The following CCDC28A variants were observed in gnomAD, a reference collection of about 807,000 sequenced individuals.
CCDC28A encodes coiled-coil domain containing 28A.
CCDC28A carries 24 observed loss-of-function variants against 22.1 expected under a neutral mutation model. The ratio of observed to expected loss-of-function variants is 1.09; its 90% CI spans 0.79 to 1.53. CCDC28A has a LOEUF of 1.53. Among genes scored for constraint, CCDC28A ranks in the 40% most tolerant of loss-of-function variants. The probability of loss-of-function intolerance (pLI) is 0.00; values close to 1 mark genes in which losing one functional copy is unlikely to be tolerated. For synonymous variants in CCDC28A, 83 were observed against 74.7 expected, an observed-to-expected ratio of 1.11 and a Z score of -0.57; for missense variants, 170 against 210.7, an observed-to-expected ratio of 0.81 and a Z score of 1.20.
intron 5 of CCDC28A, among the ~76,000 whole-genome samples, chr6:138,790,316 A>AATTT (rs759553853): frequency 6.6e-6 from 1 of 151,892 alleles, no homozygotes; most frequent in Non-Finnish European, 1.5e-5. Flanking sequence ...ACGTCCAGCT[A>AATTT]ATTTTTGTAT....
At chr6:138,792,075 G>T (rs185079083) in intron 5 of CCDC28A, among the ~76,000 whole-genome samples, 197 of 152,262 alleles carry the variant, frequency 1.3e-3, no homozygotes, top group African/African-American at 4.5e-3. Flanking sequence ...TTATAGAAAA[G>T]ATTTTAGAGC....
At position 138,773,825 on chromosome 6, in the gene CCDC28A, G is replaced by T. The variant is rs1422767427; in HGVS notation, c.-120G>T. 4 of 1,614,204 alleles carry T rather than the reference G, an allele frequency of 2.5e-6. No individual in the cohort carries two copies. In the South Asian group the frequency reaches 4.4e-5, roughly 18 times the overall value. On this transcript the variant is annotated 5_prime_UTR_variant, in exon 1 of 6. Transcript: ENST00000617445. ...CCGGGATGTGACCGGGGCTCTGCTT[G>T]TGGCTGCGGCGGTGGCTTCTGAGGC...
intron 3 of CCDC28A, among the ~76,000 whole-genome samples, chr6:138,781,573 C>T (rs762562432): frequency 7.2e-5 from 11 of 152,152 alleles, no homozygotes; most frequent in Non-Finnish European, 8.8e-5. Context: ...TCCCGCCAAG[C>T]AGTAGGTATT....
chr6:138,784,520 C>T (rs72985058), intron 3 of CCDC28A, among the ~76,000 whole-genome samples: 3,054 of 151,296 alleles, frequency 0.02, 47 homozygotes, highest in Non-Finnish European at 0.034. Context: ...CTAGTTAATG[C>T]GTGTTTTTTA....
Position 138,792,870 on chromosome 6 carries a change from C to T in CCDC28A, c.*67C>T. 2.0e-6 allele frequency: 2 copies of T among 1,010,690 alleles called. No homozygotes were observed. The highest frequency in any genetic ancestry group is 1.4e-5 in the South Asian group (1 of 73,508). 62.6% of individuals were successfully genotyped at this position (1,010,690 alleles called of 1,614,324 possible). A position where few individuals can be genotyped will look rare whatever the true frequency, so the allele number is the denominator to read the frequency against. On this transcript the variant is annotated 3_prime_UTR_variant, in exon 6 of 6. Transcript: ENST00000617445. ...GCAGTCTTTACTTTTCCAGCCAAAT[C>T]CAGTAGCAGAATCATCTTCCACAAC...
chr6:138,774,562 A>C (rs1473015590), intron 1 of CCDC28A, among the ~76,000 whole-genome samples: 1 of 152,240 alleles, frequency 6.6e-6, no homozygotes, highest in Non-Finnish European at 1.5e-5. Context: ...GAGACTGGGC[A>C]TTGGAGCCTT....
chr6:138,792,265 G>A (rs758173184), intron 5 of CCDC28A, among the ~76,000 whole-genome samples: 4 of 152,004 alleles, frequency 2.6e-5, no homozygotes, highest in South Asian at 2.1e-4. Flanking sequence ...GTGGTGGCTC[G>A]CACCTGTAAT....
intron 2 of CCDC28A, 45 bp downstream of exon 2, chr6:138,776,323 G>T: frequency 1.4e-6 from 2 of 1,470,760 alleles, no homozygotes; most frequent in Non-Finnish European, 9.5e-7. Flanking sequence ...TGCCATTAAA[G>T]TAAATCCTGA....
At chr6:138,781,798 A>G (rs1451615875) in intron 3 of CCDC28A, among the ~76,000 whole-genome samples, 1 of 151,988 alleles carries the variant, frequency 6.6e-6, no homozygotes, top group Non-Finnish European at 1.5e-5. Flanking sequence ...TCTATTATGT[A>G]TTTATTTTTG....
Position 138,779,890 on chromosome 6 carries a change from ACTCCTTC to A in CCDC28A, c.231_237del (p.Phe78LeufsTer17), listed in dbSNP as rs1583521133. 4.3e-6 allele frequency: 7 copies of A among 1,613,608 alleles called. No individual in the cohort carries two copies. Among genetic ancestry groups the A allele is most frequent in the South Asian group, 1.1e-5 (1 of 91,070 alleles). ...GGCGCTCAGTCAACTCCGATCCAGC[ACTCCTTC>A]CTCACTGATGTCTCAGATGTTCAGG... is the stretch of plus-strand genomic sequence containing the variant. On this transcript the variant is annotated frameshift_variant, in exon 3 of 6. Coordinates refer to ENST00000617445, the MANE Select transcript of CCDC28A (RefSeq NM_015439.3). LOFTEE classifies it high-confidence loss of function.
chr6:138,792,865 C>T lies in CCDC28A; in HGVS notation c.*62C>T. The stretch of plus-strand genomic sequence containing the variant: ...AAGCAGCAGTCTTTACTTTTCCAGC[C>T]AAATCCAGTAGCAGAATCATCTTCC... On this transcript the variant is annotated 3_prime_UTR_variant, in exon 6 of 6. Coordinates refer to ENST00000617445, the MANE Select transcript of CCDC28A (RefSeq NM_015439.3). 1.9e-6 allele frequency: 2 copies of T among 1,062,746 alleles called. No individual in the cohort carries two copies. The highest frequency in any genetic ancestry group is 2.9e-6 in the Non-Finnish European group (2 of 699,044). The allele number at this position is 1,062,746 out of a possible 1,614,324, so 65.8% of individuals were successfully genotyped here.
chr6:138,785,149 T>C (rs920949062), intron 3 of CCDC28A, 78 bp from the exon 4 acceptor site: 1 of 858,848 alleles, frequency 1.2e-6, no homozygotes, highest in Admixed American at 2.5e-5. Flanking sequence ...TTAGAGCACC[T>C]AGAGTTTAAG....
intron 5 of CCDC28A, among the ~76,000 whole-genome samples, chr6:138,788,983 G>A (rs781090151): frequency 6.6e-6 from 1 of 151,970 alleles, no homozygotes; most frequent in East Asian, 1.9e-4. Flanking sequence ...GGATATTTTA[G>A]GTGCATAAAA....
intron 5 of CCDC28A, among the ~76,000 whole-genome samples, chr6:138,790,814 C>A (rs1775159375): frequency 1.3e-5 from 2 of 152,196 alleles, no homozygotes; most frequent in African/African-American, 4.8e-5. Context: ...GAGCCTGGAT[C>A]TGGATATGAA....
chr6:138,792,572 A>C (rs1025582742), intron 5 of CCDC28A, among the ~76,000 whole-genome samples, 177 bp from the exon 6 acceptor site: 1 of 152,150 alleles, frequency 6.6e-6, no homozygotes, highest in Non-Finnish European at 1.5e-5. Flanking sequence ...AGTATAATTT[A>C]CTACATTTAA....
At chr6:138,774,788 C>T (rs1774901678) in intron 1 of CCDC28A, among the ~76,000 whole-genome samples, 1 of 152,230 alleles carries the variant, frequency 6.6e-6, no homozygotes, top group Admixed American at 6.5e-5. Flanking sequence ...AAATTAAACA[C>T]AGCATGCCAA....
At chr6:138,792,111 T>TAAAC (rs1300010524) in intron 5 of CCDC28A, among the ~76,000 whole-genome samples, 2 of 152,256 alleles carry the variant, frequency 1.3e-5, no homozygotes, top group Non-Finnish European at 2.9e-5. Context: ...TTTGGACTTT[T>TAAAC]AAACAGAATT....
intron 2 of CCDC28A, among the ~76,000 whole-genome samples, chr6:138,778,998 T>C (rs6914881): frequency 0.45 from 68,697 of 152,124 alleles, 17,596 homozygotes; most frequent in East Asian, 0.71. Flanking sequence ...GAACTCTTGA[T>C]CTCAGGTGAT....
chr6:138,784,382 A>G (rs6570281), intron 3 of CCDC28A, among the ~76,000 whole-genome samples: 40,481 of 143,282 alleles, frequency 0.28, 6,209 homozygotes, highest in African/African-American at 0.42. Flanking sequence ...ACAAGGTCTC[A>G]CTCTGTCACC....
Sources: gnomAD v4.1 joint callset for allele counts (sites outside exome capture counted in the v4.1 genomes callset) on GRCh38, gnomAD v4.1.1 for gene constraint, MANE v1.5 for transcripts, NCBI Gene and HGNC (gene_info 2026-07-23, HGNC 2026-07-21) for gene names.